PPP1R21: variants seen among roughly 807,000 people sequenced by gnomAD.
PPP1R21 encodes protein phosphatase 1 regulatory subunit 21.
A neutral mutation model predicts 112.8 loss-of-function variants in PPP1R21; 85 were observed. The observed-to-expected ratio is 0.75, with a 90% confidence interval of 0.63 to 0.90. The LOEUF (loss-of-function observed/expected upper bound fraction) is 0.90, where lower values mean the gene tolerates loss of function less well. Among genes scored for constraint, PPP1R21 ranks in the 40% least tolerant of loss-of-function variants. PPP1R21 has a pLI of 0.00. For synonymous variants in PPP1R21, 381 were observed against 322.3 expected, an observed-to-expected ratio of 1.18 and a Z score of -1.95; for missense variants, 1,199 against 901.5, an observed-to-expected ratio of 1.33 and a Z score of -4.23.
intron 2 of PPP1R21, 102 bp downstream of exon 2, chr2:48,451,178 T>G: frequency 1.1e-6 from 1 of 872,136 alleles, no homozygotes; most frequent in Non-Finnish European, 2.0e-6. Flanking sequence ...ACTCTGACAC[T>G]GATTCACTAG....
intron 17 of PPP1R21, among the ~76,000 whole-genome samples, chr2:48,502,570 G>A (rs1202212811): frequency 6.6e-6 from 1 of 151,812 alleles, no homozygotes; most frequent in Admixed American, 6.6e-5. Context: ...GCAAGTATGT[G>A]CCCATTTCAG....
chr2:48,455,199 T>A (rs747082826), intron 3 of PPP1R21, among the ~76,000 whole-genome samples: 1 of 137,996 alleles, frequency 7.2e-6, no homozygotes, highest in Non-Finnish European at 1.5e-5. Context: ...TAGGCTAGAG[T>A]GCAATGGCAC....
At chr2:48,444,040 G>GA (rs149203939) in intron 1 of PPP1R21, among the ~76,000 whole-genome samples, 2,858 of 148,296 alleles carry the variant, frequency 0.019, 80 homozygotes, top group African/African-American at 0.063. Context: ...TGAAAAGGAA[G>GA]AAAAAAAAAA....
chr2:48,481,139 C>G lies in PPP1R21; in HGVS notation c.1318+1123C>G, dbSNP rs181625311. 1.5e-3 allele frequency among the ~76,000 whole-genome samples: 236 copies of G among 152,316 alleles called. 1 individual carries two copies. The highest frequency in any genetic ancestry group is 5.4e-3 in the African/African-American group (224 of 41,576). ...AAGTAGCTGGGATTACAGGTACACA[C>G]CACCATGCCTGGCTAATTTTTGTAT... On this transcript the variant is annotated intron_variant, in intron 13 of 21. Transcript: ENST00000294952.
chr2:48,503,801 A>T (rs1008376805), intron 17 of PPP1R21, among the ~76,000 whole-genome samples: 2 of 151,808 alleles, frequency 1.3e-5, no homozygotes, highest in Non-Finnish European at 2.9e-5. Flanking sequence ...AAAAAAAAAA[A>T]AATTAGCTGG....
chr2:48,479,677 C>T (rs1668918689), intron 12 of PPP1R21: 1 of 610,882 alleles, frequency 1.6e-6, no homozygotes, highest in East Asian at 3.0e-5. Flanking sequence ...CAGACTTAAT[C>T]CTGCTTAACA....
At chr2:48,465,013 T>C (rs754015129) in intron 8 of PPP1R21, 24 bp downstream of exon 8, 14 of 1,542,828 alleles carry the variant, frequency 9.1e-6, no homozygotes, top group African/African-American at 1.4e-5. Flanking sequence ...TACATGTTTT[T>C]ATTTTCAGTT....
chr2:48,493,091 C>T (rs1048518826), intron 15 of PPP1R21, among the ~76,000 whole-genome samples: 12 of 149,076 alleles, frequency 8.0e-5, no homozygotes, highest in African/African-American at 2.7e-4. Context: ...ATCTCGGCTC[C>T]GCCTCCCGGG....
intron 1 of PPP1R21, among the ~76,000 whole-genome samples, chr2:48,444,328 T>C (rs1395649681): frequency 6.6e-6 from 1 of 152,218 alleles, no homozygotes; most frequent in African/African-American, 2.4e-5. Flanking sequence ...GTGAAGTTAA[T>C]AACAGATGCA....
rs528252392 is a variant in PPP1R21, at chr2:48,496,886, CAT to C, written c.1692+1117_1692+1118del. On this transcript the variant is annotated intron_variant, in intron 16 of 21. Transcript: ENST00000294952. ...TTGGGAGCTTCTGAATAGCTGAACA[CAT>C]AGAGGCTCTTGGAGGGTGGCATGCC... Among the ~76,000 whole-genome samples the C allele has an allele frequency of 9.8e-5, 15 of 152,356 alleles. No homozygotes were observed. The South Asian group carries it at 3.1e-3, about 32-fold the overall frequency.
intron 4 of PPP1R21, among the ~76,000 whole-genome samples, chr2:48,458,759 A>G (rs1667838266): frequency 6.6e-6 from 1 of 152,066 alleles, no homozygotes; most frequent in African/African-American, 2.4e-5. Flanking sequence ...TGGAATGTTG[A>G]AAAGTTAGTG....
chr2:48,500,121 C>T (rs930778219), intron 17 of PPP1R21, among the ~76,000 whole-genome samples: 2 of 152,098 alleles, frequency 1.3e-5, no homozygotes, highest in African/African-American at 4.8e-5. Flanking sequence ...AATATACAAA[C>T]CAGATTTTAT....
chr2:48,461,743 G>T (rs1169585622), intron 7 of PPP1R21, among the ~76,000 whole-genome samples: 4 of 152,170 alleles, frequency 2.6e-5, no homozygotes, highest in African/African-American at 9.7e-5. Flanking sequence ...CTTTACATGT[G>T]TAATAGGTGC....
In PPP1R21 at chr2:48,498,733, C is replaced by G; in HGVS notation, c.1933C>G (p.Leu645Val). The change falls in exon 17 of 22, where the codon CTA becomes GTA. Residue 645 changes from leucine (L) to valine (V), a missense_variant and splice_region_variant. Coordinates refer to ENST00000294952, the MANE Select transcript of PPP1R21 (RefSeq NM_001135629.3). ...GTTGGAGCCCATTCAGAGCACCAGT[C>G]TAGTAAGTGTCTTCTTGGTTGTCCT... ...AVLEPIQSTS[L>V]IGTLTRTSDS... 3.1e-6 allele frequency: 5 copies of G among 1,613,738 alleles called. No individual in the cohort carries two copies. Among genetic ancestry groups the G allele is most frequent in the East Asian group, 2.2e-5 (1 of 44,872 alleles).
chr2:48,497,334 C>G (rs139150020), intron 16 of PPP1R21, among the ~76,000 whole-genome samples: 71 of 152,242 alleles, frequency 4.7e-4, no homozygotes, highest in African/African-American at 1.7e-3. Flanking sequence ...AGAGGAAAAA[C>G]GATTTGAGAG....
intron 9 of PPP1R21, among the ~76,000 whole-genome samples, chr2:48,470,346 C>A (rs148368412): frequency 6.6e-6 from 1 of 151,666 alleles, no homozygotes; most frequent in Admixed American, 6.6e-5. Context: ...GGTGAAAGCC[C>A]GTCTCTACTA....
chr2:48,511,019 T>C (rs374513705), intron 20 of PPP1R21, among the ~76,000 whole-genome samples: 9 of 152,182 alleles, frequency 5.9e-5, no homozygotes, highest in African/African-American at 1.9e-4. Context: ...ATAGGTTGCT[T>C]TTACAAGTAA....
chr2:48,490,233 A>AG (rs1412037021), intron 14 of PPP1R21, among the ~76,000 whole-genome samples: 1 of 151,394 alleles, frequency 6.6e-6, no homozygotes, highest in East Asian at 1.9e-4. Context: ...AAAAAAAAAA[A>AG]AAAAAAGAAA....
chr2:48,494,196 G>A (rs1396715066), intron 15 of PPP1R21, among the ~76,000 whole-genome samples: 3 of 125,620 alleles, frequency 2.4e-5, no homozygotes, highest in Non-Finnish European at 3.1e-5. Flanking sequence ...TCGTGATCAC[G>A]CTACTGCACT....
Sources: allele counts gnomAD v4.1 joint callset (sites outside exome capture counted in the v4.1 genomes callset), GRCh38; gene constraint gnomAD v4.1.1; transcripts MANE v1.5; gene names NCBI Gene and HGNC (gene_info 2026-07-23, HGNC 2026-07-21).